Variants in PALLD observed in about 807,000 individuals in gnomAD.
PALLD encodes palladin.
Under a neutral mutation model 123.5 loss-of-function variants are expected in PALLD, and 61 were observed. The ratio of observed to expected loss-of-function variants is 0.49; its 90% CI spans 0.40 to 0.61. PALLD has a LOEUF of 0.61. Among genes scored for constraint, PALLD ranks in the 20% least tolerant of loss-of-function variants. PALLD has a pLI of 0.00. For synonymous variants in PALLD, 465 were observed against 496.4 expected (o/e 0.94, Z 0.84); for missense variants, 1,273 against 1,377.0 (o/e 0.92, Z 1.20).
intron 2 of PALLD, among the ~76,000 whole-genome samples, chr4:168,545,955 C>A: frequency 6.6e-6 from 1 of 152,130 alleles, no homozygotes; most frequent in East Asian, 1.9e-4. Context: ...CTCCCATTTT[C>A]AAACCCTTTA....
rs573746938 is a variant in PALLD, at chr4:168,595,570, A to G, written c.909-72620A>G. 3.3e-5 allele frequency among the ~76,000 whole-genome samples: 5 copies of G among 152,124 alleles called. No individual in the cohort carries two copies. In the East Asian group the frequency reaches 5.8e-4, roughly 18 times the overall value. On this transcript the variant is annotated intron_variant, in intron 2 of 21. Coordinates refer to ENST00000505667, the MANE Select transcript of PALLD (RefSeq NM_001166108.2). The stretch of plus-strand genomic sequence containing the variant: ...TTTAGTGCCAAAACCATCCCTCTCT[A>G]TAGATGTTAGCAGTTTTCACTTAAA...
chr4:168,609,953 T>A (rs952992255), intron 2 of PALLD, among the ~76,000 whole-genome samples: 2 of 152,230 alleles, frequency 1.3e-5, no homozygotes, highest in African/African-American at 4.8e-5. Flanking sequence ...CCTTTAGAGC[T>A]AGCTCTGCAT....
At chr4:168,569,469 T>G (rs1365425908) in intron 2 of PALLD, among the ~76,000 whole-genome samples, 2 of 152,148 alleles carry the variant, frequency 1.3e-5, no homozygotes, top group African/African-American at 4.8e-5. Flanking sequence ...TGAAGTTTGC[T>G]TCAAGAACAA....
chr4:168,523,831 T>C (rs754919510), intron 2 of PALLD, among the ~76,000 whole-genome samples: 12 of 152,246 alleles, frequency 7.9e-5, no homozygotes, highest in Non-Finnish European at 1.6e-4. Context: ...GCCATTTTCA[T>C]GCTTGTCAAC....
At chr4:168,765,192 C>T (rs1733494734) in intron 10 of PALLD, among the ~76,000 whole-genome samples, 1 of 152,048 alleles carries the variant, frequency 6.6e-6, no homozygotes, top group Non-Finnish European at 1.5e-5. Context: ...AATGAGATCA[C>T]ATATGCAAAA....
Position 168,903,786 on chromosome 4 carries a change from C to T in PALLD, c.2502C>T (p.Ile834=), listed in dbSNP as rs1757050185. Residue 834 remains isoleucine, a synonymous_variant, in exon 15 of 22, where the codon ATC becomes ATT. Transcript: ENST00000505667. ...KIYWFKDGKQ[I]SPKSDHYTIQ... The stretch of plus-strand genomic sequence containing the variant: ...ATTGGTTTAAAGATGGGAAGCAGAT[C>T]TCTCCAAAGAGTGATCACTACACCA... The T allele has an allele frequency of 1.2e-6, 2 of 1,612,688 alleles. No homozygotes were observed. Among genetic ancestry groups the T allele is most frequent in the Non-Finnish European group, 1.7e-6 (2 of 1,178,840 alleles).
chr4:168,926,556 A>T lies in PALLD; in HGVS notation c.*376A>T. On this transcript the variant is annotated 3_prime_UTR_variant, in exon 22 of 22. Transcript: ENST00000505667. ...GATATACCAAACTTAGTTTAAGTAGATAATGCTAATACAAATATACACATT... is the reference window on the plus strand; with the variant it reads ...GATATACCAAACTTAGTTTAAGTAGTTAATGCTAATACAAATATACACATT... 1 of 560,948 alleles carries T rather than the reference A, an allele frequency of 1.8e-6. No homozygotes were observed. 34.7% of individuals were successfully genotyped at this position (560,948 alleles called of 1,614,324 possible). A position where few individuals can be genotyped will look rare whatever the true frequency, so the allele number is the denominator to read the frequency against.
chr4:168,910,220 CTT>C (rs70961563), intron 15 of PALLD, among the ~76,000 whole-genome samples: 53,173 of 113,780 alleles, frequency 0.47, 12,546 homozygotes, highest in East Asian at 0.81. Context: ...AACCTGTTTA[CTT>C]TTTTTTTTTT....
chr4:168,864,347 G>A (rs1749951126), intron 10 of PALLD: 1 of 152,182 alleles, frequency 6.6e-6, no homozygotes, highest in African/African-American at 2.4e-5. Context: ...AAAAGATTAA[G>A]CCTTTTAGTG....
At chr4:168,878,201 G>A in intron 10 of PALLD, 1 of 1,516,566 alleles carries the variant, frequency 6.6e-7, no homozygotes, top group Non-Finnish European at 8.8e-7. Context: ...TGCCTTCCCG[G>A]TGCCCGACGT....
chr4:168,608,178 T>A (rs995169716), intron 2 of PALLD, among the ~76,000 whole-genome samples: 1 of 152,154 alleles, frequency 6.6e-6, no homozygotes, highest in African/African-American at 2.4e-5. Context: ...TATAAATATG[T>A]GGTGCAGAAA....
At chr4:168,518,122 C>T (rs927204235) in intron 2 of PALLD, among the ~76,000 whole-genome samples, 6 of 152,088 alleles carry the variant, frequency 3.9e-5, no homozygotes, top group African/African-American at 1.4e-4. Context: ...GGAAAAAAAC[C>T]TTGAAGCCAT....
At chr4:168,557,966 C>T (rs1433868452) in intron 2 of PALLD, among the ~76,000 whole-genome samples, 2 of 152,156 alleles carry the variant, frequency 1.3e-5, no homozygotes, top group Non-Finnish European at 2.9e-5. Flanking sequence ...TAGCTTTGCT[C>T]TCTCTGGTCC....
In PALLD at chr4:168,922,102, TACAC is replaced by T. The variant is rs35503011; in HGVS notation, c.3058+400_3058+403del. 3.3e-3 allele frequency among the ~76,000 whole-genome samples: 434 copies of T among 132,598 alleles called. 2 individuals are homozygous for T. Among genetic ancestry groups the T allele is most frequent in the Admixed American group, 6.0e-3 (81 of 13,422 alleles). The allele number at this position is 132,598 out of a possible 152,430, so 87.0% of individuals were successfully genotyped here. On this transcript the variant is annotated intron_variant, in intron 18 of 21. Transcript: ENST00000505667. ...TTTTATATTTATATATATATATATA[TACAC>T]ACACACACACACACACACACACACA...
chr4:168,655,807 G>A (rs1004145244), intron 2 of PALLD, among the ~76,000 whole-genome samples: 1 of 152,166 alleles, frequency 6.6e-6, no homozygotes, highest in African/African-American at 2.4e-5. Context: ...TTTGACTTTG[G>A]GGAAAGTTCT....
At position 168,777,231 on chromosome 4, in the gene PALLD, C is replaced by T. The variant is rs542230544; in HGVS notation, c.1964+65308C>T. On this transcript the variant is annotated intron_variant, in intron 10 of 21. Coordinates refer to ENST00000505667, the MANE Select transcript of PALLD (RefSeq NM_001166108.2). ...GAGTAGAGCTAACAGGAGACTAAGC[C>T]TACTCAGTGAGTCTCAGTGAAAACT... 2.0e-4 allele frequency among the ~76,000 whole-genome samples: 30 copies of T among 152,230 alleles called. 1 individual carries two copies. Among genetic ancestry groups the T allele is most frequent in the African/African-American group, 7.0e-4 (29 of 41,534 alleles).
At chr4:168,905,790 C>CTTTTTTTTT (rs59427697) in intron 15 of PALLD, among the ~76,000 whole-genome samples, 2,252 of 113,150 alleles carry the variant, frequency 0.02, 3 homozygotes, top group African/African-American at 0.026. Flanking sequence ...GCTTTTTTTT[C>CTTTTTTTTT]TTTTTTTTTT....
chr4:168,555,088 T>C lies in PALLD; in HGVS notation c.908+42676T>C, dbSNP rs568323282. Among the ~76,000 whole-genome samples, 18 of 152,358 alleles carry C rather than the reference T, an allele frequency of 1.2e-4. No homozygotes were observed. In the South Asian group the frequency reaches 3.3e-3, roughly 28 times the overall value. On this transcript the variant is annotated intron_variant, in intron 2 of 21. Coordinates refer to ENST00000505667, the MANE Select transcript of PALLD (RefSeq NM_001166108.2). Reference sequence around the variant, plus strand: ...AAAACAAACAAAATATTCAATTTTATTGGAGTCCAGTCTTCTAATGAAGTA... The same window carrying C: ...AAAACAAACAAAATATTCAATTTTACTGGAGTCCAGTCTTCTAATGAAGTA...
Position 168,739,710 on chromosome 4 carries a change from T to C in PALLD, c.1964+27787T>C, listed in dbSNP as rs558344929. 3.0e-4 allele frequency among the ~76,000 whole-genome samples: 46 copies of C among 152,302 alleles called. No individual in the cohort carries two copies. The East Asian group carries it at 7.7e-3, about 26-fold the overall frequency. ...TGTACAAACACTTGCATCAACTTTT[T>C]AAAAGTCCAGACAAGAAAAAAGCCC... On this transcript the variant is annotated intron_variant, in intron 10 of 21. Transcript: ENST00000505667.
Sources: allele counts gnomAD v4.1 joint callset (sites outside exome capture counted in the v4.1 genomes callset), GRCh38; gene constraint gnomAD v4.1.1; transcripts MANE v1.5; gene names NCBI Gene and HGNC (gene_info 2026-07-23, HGNC 2026-07-21).